OR51B5: variants seen among roughly 807,000 people sequenced by gnomAD.
OR51B5 encodes the protein olfactory receptor 51B5.
For synonymous variants in OR51B5, 186 were observed against 144.8 expected, an observed-to-expected ratio of 1.28 and a Z score of -2.04; for missense variants, 456 against 374.6, an observed-to-expected ratio of 1.22 and a Z score of -1.79.
At chr11:5,473,006 C>T (rs1315425822) in intron 1 of OR51B5, among the ~76,000 whole-genome samples, 1 of 152,216 alleles carries the variant, frequency 6.6e-6, no homozygotes, top group East Asian at 1.9e-4. Context: ...CAACTTGCCA[C>T]CCTACTGCCA....
At chr11:5,477,856 G>T (rs1296894335) in intron 1 of OR51B5, among the ~76,000 whole-genome samples, 1 of 152,138 alleles carries the variant, frequency 6.6e-6, no homozygotes, top group Non-Finnish European at 1.5e-5. Context: ...GGCTCGGAGG[G>T]TCCTACGCCC....
chr11:5,448,450 G>C (rs1351256384), intron 1 of OR51B5, among the ~76,000 whole-genome samples: 1 of 152,202 alleles, frequency 6.6e-6, no homozygotes, highest in East Asian at 1.9e-4. Flanking sequence ...CTTGAATGGG[G>C]TACAAGCTAG....
intron 1 of OR51B5, among the ~76,000 whole-genome samples, chr11:5,423,740 GTAATT>G (rs1422368586): frequency 2.6e-5 from 4 of 152,200 alleles, no homozygotes; most frequent in East Asian, 1.9e-4. Context: ...TAACACCCAA[GTAATT>G]TAATTTACCT....
chr11:5,421,845 T>G (rs1850343719), intron 1 of OR51B5, among the ~76,000 whole-genome samples: 1 of 152,228 alleles, frequency 6.6e-6, no homozygotes. Flanking sequence ...AGAGTTCATT[T>G]TTAGCCTTTG....
intron 1 of OR51B5, among the ~76,000 whole-genome samples, chr11:5,503,137 ATTC>A (rs1298764947): frequency 1.9e-4 from 29 of 152,188 alleles, no homozygotes; most frequent in African/African-American, 6.8e-4. Flanking sequence ...ATTTTTCTAT[ATTC>A]TTATTTTACC....
intron 1 of OR51B5, among the ~76,000 whole-genome samples, chr11:5,464,768 G>A (rs1423005548): frequency 1.3e-5 from 2 of 152,166 alleles, no homozygotes; most frequent in African/African-American, 2.4e-5. Flanking sequence ...TGTCTTTACA[G>A]CAGCAAGATT....
chr11:5,455,437 G>A (rs186051433), intron 1 of OR51B5: 3 of 151,086 alleles, frequency 2.0e-5, no homozygotes, highest in East Asian at 2.0e-4. Flanking sequence ...CTTCTCATAC[G>A]CTTCCCTTGA....
intron 1 of OR51B5, among the ~76,000 whole-genome samples, chr11:5,467,120 T>G (rs16931405): frequency 0.041 from 6,215 of 152,260 alleles, 452 homozygotes; most frequent in African/African-American, 0.14. Flanking sequence ...TATGAGCACT[T>G]AGAGCCTGCA....
At chr11:5,459,968 A>G (rs2133792791) in intron 1 of OR51B5, among the ~76,000 whole-genome samples, 1 of 152,334 alleles carries the variant, frequency 6.6e-6, no homozygotes, top group South Asian at 2.1e-4. Context: ...AAAGACATGG[A>G]ATCAACCCAA....
chr11:5,489,870 C>G (rs116497416), intron 1 of OR51B5: 2 of 539,340 alleles, frequency 3.7e-6, no homozygotes, highest in Non-Finnish European at 6.5e-6. Context: ...CTCTGAATAC[C>G]CCAGAAAGGT....
At chr11:5,428,480 C>T (rs1036366019) in intron 1 of OR51B5, among the ~76,000 whole-genome samples, 1 of 152,116 alleles carries the variant, frequency 6.6e-6, no homozygotes, top group Non-Finnish European at 1.5e-5. Flanking sequence ...TATTACAAAC[C>T]TTCAATTTGT....
chr11:5,351,451 C>G (rs1256210736), intron 1 of OR51B5: 4 of 1,395,690 alleles, frequency 2.9e-6, no homozygotes, highest in South Asian at 1.4e-5. Context: ...AACTTTTATA[C>G]AACTGATTAC....
At chr11:5,367,910 T>A (rs543138127) in intron 1 of OR51B5, among the ~76,000 whole-genome samples, 12 of 152,222 alleles carry the variant, frequency 7.9e-5, no homozygotes, top group Non-Finnish European at 1.6e-4. Context: ...TGCTTAAATC[T>A]TGACCAAGGC....
intron 1 of OR51B5, among the ~76,000 whole-genome samples, chr11:5,356,192 A>G (rs1029508602): frequency 6.6e-6 from 1 of 152,186 alleles, no homozygotes; most frequent in African/African-American, 2.4e-5. Context: ...TAAAGGAGGA[A>G]GCTCGAACCC....
At chr11:5,342,302 A>G (rs189892198), downstream of OR51B5, among the ~76,000 whole-genome samples, 71 of 152,372 alleles carry the variant, frequency 4.7e-4, no homozygotes, top group African/African-American at 1.7e-3. Flanking sequence ...TATGTTAGTT[A>G]CATTATAGAC....
chr11:5,364,658 A>G (rs2647607), intron 1 of OR51B5, among the ~76,000 whole-genome samples: 41,293 of 145,804 alleles, frequency 0.28, 5,891 homozygotes, highest in African/African-American at 0.34. Context: ...TGCATCTCTG[A>G]ATATCTCTGA....
At chr11:5,343,702 G>A, upstream of OR51B5, 1 of 505,978 alleles carries the variant, frequency 2.0e-6, no homozygotes, top group Non-Finnish European at 3.4e-6. Flanking sequence ...CATACTATTT[G>A]TATTCTTAAC....
chr11:5,389,341 G>A, intron 1 of OR51B5: 1 of 1,520,646 alleles, frequency 6.6e-7, no homozygotes, highest in Non-Finnish European at 9.0e-7. Context: ...GAATGTTAGT[G>A]AAGCTGAAGA....
At chr11:5,472,019 C>A (rs1460012569) in intron 1 of OR51B5, among the ~76,000 whole-genome samples, 2 of 152,128 alleles carry the variant, frequency 1.3e-5, no homozygotes, top group African/African-American at 4.8e-5. Context: ...ATCAAAGGTT[C>A]CCTTCTTTTG....
Sources: gnomAD v4.1 joint callset for allele counts (sites outside exome capture counted in the v4.1 genomes callset) on GRCh38, gnomAD v4.1.1 for gene constraint, MANE v1.5 for transcripts, NCBI Gene and HGNC (gene_info 2026-07-23, HGNC 2026-07-21) for gene names.